Variants in CMIP observed in about 807,000 individuals in gnomAD.
The protein encoded by CMIP is c-Maf inducing protein.
Under a neutral mutation model 97.3 loss-of-function variants are expected in CMIP, and 13 were observed. The ratio of observed to expected loss-of-function variants is 0.13; its 90% confidence interval spans 0.09 to 0.21. CMIP has a LOEUF of 0.21. Ranked by LOEUF, CMIP falls within the 10% of genes least tolerant of loss-of-function variation. The pLI is 1.00. For synonymous variants in CMIP, 538 were observed against 436.3 expected, an observed-to-expected ratio of 1.23 and a Z score of -2.91; for missense variants, 847 against 1,024.9, an observed-to-expected ratio of 0.83 and a Z score of 2.37.
In CMIP at chr16:81,699,017, C is replaced by G. The variant is rs188792963; in HGVS notation, c.1639-668C>G. ...CTGTAATCCCAGCACTGTGGGAAGCCGAGTTGGGTGGACCACTTGAGTTCA... is the reference window on the plus strand; with the variant it reads ...CTGTAATCCCAGCACTGTGGGAAGCGGAGTTGGGTGGACCACTTGAGTTCA... On this transcript the variant is annotated intron_variant, in intron 14 of 20. Transcript: ENST00000537098. Among the ~76,000 whole-genome samples, 567 of 152,274 alleles carry G rather than the reference C, an allele frequency of 3.7e-3. 1 individual carries two copies. The highest frequency in any genetic ancestry group is 0.013 in the African/African-American group (529 of 41,532).
At chr16:81,576,122 G>A (rs1277459277) in intron 1 of CMIP, among the ~76,000 whole-genome samples, 4 of 152,140 alleles carry the variant, frequency 2.6e-5, no homozygotes, top group African/African-American at 7.2e-5. Context: ...AAAAGAATGC[G>A]TCTAGGCGCA....
intron 1 of CMIP, among the ~76,000 whole-genome samples, chr16:81,548,676 AC>A (rs2090596177): frequency 7.0e-6 from 1 of 142,048 alleles, no homozygotes; most frequent in Non-Finnish European, 1.6e-5. Context: ...CCATGCCTCT[AC>A]AAAAAAAAAA....
chr16:81,596,420 C>T lies in CMIP; in HGVS notation c.301-11147C>T, dbSNP rs185668834. Among the ~76,000 whole-genome samples, 289 of 150,140 alleles carry T rather than the reference C, an allele frequency of 1.9e-3. 1 individual carries two copies. Among genetic ancestry groups the T allele is most frequent in the Non-Finnish European group, 3.6e-3 (241 of 67,800 alleles). ...ACTCGGGAGGCTGAGGGAAGAGAAT[C>T]GCTTGAAGCCAAGGAGGCAGAGGTT... is the stretch of plus-strand genomic sequence containing the variant. On this transcript the variant is annotated intron_variant, in intron 1 of 20. Coordinates refer to ENST00000537098, the MANE Select transcript of CMIP (RefSeq NM_198390.3).
At chr16:81,635,135 G>A (rs1378384194) in intron 3 of CMIP, among the ~76,000 whole-genome samples, 2 of 152,152 alleles carry the variant, frequency 1.3e-5, no homozygotes, top group African/African-American at 4.8e-5. Context: ...CAATTAAGCA[G>A]CGTTGTTTCC....
At chr16:81,480,277 C>T (rs1248412315) in intron 1 of CMIP, among the ~76,000 whole-genome samples, 4 of 152,172 alleles carry the variant, frequency 2.6e-5, no homozygotes, top group East Asian at 1.9e-4. Context: ...TGGTGGCTCA[C>T]GCCTGTAATC....
chr16:81,678,635 GCC>G lies in CMIP; in HGVS notation c.1388+14_1388+15del. The G allele has an allele frequency of 2.2e-6, 3 of 1,369,308 alleles. No individual in the cohort carries two copies. Among genetic ancestry groups the G allele is most frequent in the Non-Finnish European group, 3.1e-6 (3 of 977,554 alleles). The allele number at this position is 1,369,308 out of a possible 1,614,324, so 84.8% of individuals were successfully genotyped here. On this transcript the variant is annotated splice_region_variant and intron_variant, in intron 10 of 20. Coordinates refer to ENST00000537098, the MANE Select transcript of CMIP (RefSeq NM_198390.3). Reference sequence around the variant, plus strand: ...TGGAAATCCTCAAGCTGCTGTGAGTGCCCCCCCCGCGTGCCCGCCCCCGGGGC... The same window carrying G: ...TGGAAATCCTCAAGCTGCTGTGAGTGCCCCCCGCGTGCCCGCCCCCGGGGC...
chr16:81,624,383 TA>T (rs2092031941), intron 3 of CMIP, among the ~76,000 whole-genome samples: 1 of 151,908 alleles, frequency 6.6e-6, no homozygotes, highest in Non-Finnish European at 1.5e-5. Flanking sequence ...CCTACACCAA[TA>T]TACATTTGTC....
chr16:81,580,943 C>T (rs1048450652), intron 1 of CMIP, among the ~76,000 whole-genome samples: 1 of 152,126 alleles, frequency 6.6e-6, no homozygotes, highest in Non-Finnish European at 1.5e-5. Context: ...ATTCCCCTCT[C>T]TTCCAGCCCC....
In CMIP at chr16:81,693,422, C is replaced by T. The variant is rs759142384; in HGVS notation, c.1482-17C>T. 1.1e-5 allele frequency: 17 copies of T among 1,608,670 alleles called. No individual in the cohort carries two copies. The highest frequency in any genetic ancestry group is 5.3e-5 in the African/African-American group (4 of 74,814). Reference sequence around the variant, plus strand: ...TCCAGACCCCGGCAGTAACTCCGGCCGCCTCGTCTCTTCCAGGGAACTGAA... The same window carrying T: ...TCCAGACCCCGGCAGTAACTCCGGCTGCCTCGTCTCTTCCAGGGAACTGAA... On this transcript the variant is annotated splice_polypyrimidine_tract_variant and intron_variant, in intron 12 of 20. Coordinates refer to ENST00000537098, the MANE Select transcript of CMIP (RefSeq NM_198390.3).
intron 1 of CMIP, among the ~76,000 whole-genome samples, chr16:81,595,034 G>GTCTC (rs60887695): frequency 0.02 from 2,952 of 145,760 alleles, 71 homozygotes; most frequent in African/African-American, 0.065. Context: ...ATATCATGTG[G>GTCTC]TCTCTCTCTC....
chr16:81,643,718 G>A (rs2092332467), intron 3 of CMIP, among the ~76,000 whole-genome samples: 1 of 152,206 alleles, frequency 6.6e-6, no homozygotes, highest in Admixed American at 6.5e-5. Context: ...CTTGAACCCA[G>A]AAGGCAAAGG....
At chr16:81,489,313 T>C (rs537514848) in intron 1 of CMIP, among the ~76,000 whole-genome samples, 1 of 152,040 alleles carries the variant, frequency 6.6e-6, no homozygotes, top group East Asian at 1.9e-4. Context: ...AGTTGGTGGG[T>C]GAAGAGGGGA....
chr16:81,632,236 G>C (rs1029912868), intron 3 of CMIP, among the ~76,000 whole-genome samples: 1 of 152,126 alleles, frequency 6.6e-6, no homozygotes, highest in Non-Finnish European at 1.5e-5. Flanking sequence ...AAAATAAAAT[G>C]CACGTACATA....
At chr16:81,620,789 C>T in intron 2 of CMIP, 87 bp from the exon 3 acceptor site, 1 of 1,504,936 alleles carries the variant, frequency 6.6e-7, no homozygotes, top group Non-Finnish European at 9.2e-7. Context: ...ACAGAGCAGG[C>T]TTGGGGGCTC....
intron 3 of CMIP, among the ~76,000 whole-genome samples, chr16:81,640,581 G>A (rs1357037037): frequency 2.0e-5 from 3 of 152,144 alleles, no homozygotes; most frequent in Non-Finnish European, 2.9e-5. Context: ...TCTGGGGCCA[G>A]ATGTCCAAAA....
intron 1 of CMIP, among the ~76,000 whole-genome samples, chr16:81,506,738 C>G (rs1348286648): frequency 6.6e-6 from 1 of 152,112 alleles, no homozygotes. Context: ...ACTAGTGAAA[C>G]CCCGTCTCTA....
At chr16:81,684,927 G>C (rs1382188428) in intron 10 of CMIP, among the ~76,000 whole-genome samples, 1 of 152,246 alleles carries the variant, frequency 6.6e-6, no homozygotes, top group Non-Finnish European at 1.5e-5. Context: ...GTGGCCAGAG[G>C]CATCCCATCC....
chr16:81,654,403 T>G (rs2092461614), intron 4 of CMIP, among the ~76,000 whole-genome samples: 1 of 152,154 alleles, frequency 6.6e-6, no homozygotes, highest in African/African-American at 2.4e-5. Flanking sequence ...CTTCTTGGGC[T>G]TTAAAGTAAA....
intron 3 of CMIP, among the ~76,000 whole-genome samples, chr16:81,629,907 G>A (rs932508032): frequency 3.3e-5 from 5 of 152,206 alleles, no homozygotes; most frequent in African/African-American, 4.8e-5. Context: ...CTCAGCTTTC[G>A]CTTTATTTGA....
Sources: gnomAD v4.1 joint callset for allele counts (sites outside exome capture counted in the v4.1 genomes callset) on GRCh38, gnomAD v4.1.1 for gene constraint, MANE v1.5 for transcripts, NCBI Gene and HGNC (gene_info 2026-07-23, HGNC 2026-07-21) for gene names.